The following CNTN6 variants were observed in gnomAD, a reference collection of about 807,000 sequenced individuals.
CNTN6 encodes contactin-6.
CNTN6 carries 137 observed loss-of-function variants against 122.8 expected under a neutral mutation model. That is an observed-to-expected ratio of 1.12 (90% CI 0.97 to 1.29). The LOEUF (loss-of-function observed/expected upper bound fraction) is 1.29. CNTN6 is among the 50% of genes most tolerant of loss of function. The pLI is 0.00. For synonymous variants in CNTN6, 570 were observed against 426.0 expected, an observed-to-expected ratio of 1.34 and a Z score of -4.16; for missense variants, 1,634 against 1,223.4, an observed-to-expected ratio of 1.34 and a Z score of -5.01.
intron 1 of CNTN6, among the ~76,000 whole-genome samples, chr3:1,142,966 G>GTATATA (rs1408347529): frequency 1.5e-3 from 149 of 96,544 alleles, no homozygotes; most frequent in African/African-American, 4.7e-3. Flanking sequence ...GTGTGTGTGT[G>GTATATA]TGTATATATA....
intron 5 of CNTN6, among the ~76,000 whole-genome samples, chr3:1,285,038 T>C (rs577268009): frequency 2.0e-4 from 31 of 152,300 alleles, no homozygotes; most frequent in African/African-American, 6.7e-4. Flanking sequence ...TTCTCTGACT[T>C]TCATTTGTAA....
chr3:1,096,236 C>T (rs2124919253), intron 1 of CNTN6, among the ~76,000 whole-genome samples: 1 of 151,840 alleles, frequency 6.6e-6, no homozygotes, highest in Admixed American at 6.6e-5. Flanking sequence ...CTGATAAATG[C>T]CTACATGATT....
intron 11 of CNTN6, among the ~76,000 whole-genome samples, chr3:1,339,933 G>C (rs564499891): frequency 2.6e-5 from 4 of 152,028 alleles, no homozygotes; most frequent in Admixed American, 2.0e-4. Context: ...TTAACCATGA[G>C]TTTCATTATA....
rs367736804 is a variant in CNTN6, at chr3:1,309,659, A to G, written c.761+11668A>G. Among the ~76,000 whole-genome samples the G allele has an allele frequency of 8.5e-5, 13 of 152,282 alleles. No individual in the cohort carries two copies. In the East Asian group the frequency reaches 2.1e-3, roughly 25 times the overall value. On this transcript the variant is annotated intron_variant, in intron 7 of 22. Coordinates refer to ENST00000446702, the MANE Select transcript of CNTN6 (RefSeq NM_001289080.2). The stretch of plus-strand genomic sequence containing the variant: ...ACAAACTTAGAATCATTTTGTCTAT[A>G]TCCATGAAATAGCAATTGGGGTTTT...
intron 1 of CNTN6, among the ~76,000 whole-genome samples, chr3:1,129,043 G>C (rs780070986): frequency 6.6e-6 from 1 of 151,920 alleles, no homozygotes; most frequent in African/African-American, 2.4e-5. Context: ...AAAAATTAGT[G>C]AACTATATTC....
chr3:1,282,742 G>T (rs899499661), intron 5 of CNTN6, among the ~76,000 whole-genome samples: 2 of 152,096 alleles, frequency 1.3e-5, no homozygotes, highest in Non-Finnish European at 2.9e-5. Context: ...TCACTGGTAG[G>T]CTGTGACTTC....
chr3:1,201,194 A>C (rs1489385240), intron 2 of CNTN6, among the ~76,000 whole-genome samples: 2 of 149,530 alleles, frequency 1.3e-5, no homozygotes, highest in Non-Finnish European at 3.0e-5. Flanking sequence ...GCTGGTCTCA[A>C]ACTCCTGAGT....
intron 4 of CNTN6, among the ~76,000 whole-genome samples, chr3:1,234,300 A>C (rs1281448046): frequency 6.6e-6 from 1 of 152,198 alleles, no homozygotes; most frequent in Non-Finnish European, 1.5e-5. Context: ...GTCGTAACAT[A>C]AAGGTCTTTG....
At chr3:1,328,574 C>G (rs1260318612) in intron 10 of CNTN6, among the ~76,000 whole-genome samples, 1 of 151,734 alleles carries the variant, frequency 6.6e-6, no homozygotes, top group African/African-American at 2.4e-5. Flanking sequence ...AAAAAAGTGT[C>G]AGATTTAAAA....
intron 4 of CNTN6, among the ~76,000 whole-genome samples, chr3:1,271,984 G>A (rs1418577268): frequency 2.0e-5 from 3 of 152,154 alleles, no homozygotes; most frequent in Non-Finnish European, 4.4e-5. Context: ...CCCAGTGGGA[G>A]GTAATTGAAT....
At chr3:1,284,741 AAG>A (rs1694054018) in intron 5 of CNTN6, among the ~76,000 whole-genome samples, 1 of 152,212 alleles carries the variant, frequency 6.6e-6, no homozygotes, top group Non-Finnish European at 1.5e-5. Context: ...TCTAAGGTAA[AAG>A]AAGGTTTCAC....
chr3:1,385,130 T>C (rs192782039), intron 19 of CNTN6, among the ~76,000 whole-genome samples: 5 of 152,198 alleles, frequency 3.3e-5, no homozygotes, highest in Admixed American at 2.6e-4. Context: ...GTACTTAATT[T>C]ATTCTCTTTT....
At position 1,187,114 on chromosome 3, in the gene CNTN6, T is replaced by A. The variant is rs184969032; in HGVS notation, c.56-33573T>A. 5.2e-3 allele frequency among the ~76,000 whole-genome samples: 795 copies of A among 152,262 alleles called. 7 individuals are homozygous for A. Among genetic ancestry groups the A allele is most frequent in the African/African-American group, 0.018 (763 of 41,562 alleles). ...ATGGCTTGCGAAAAGCCTTTGTTGT[T>A]GTTGTTTTTACAATTCATAGACTTC... On this transcript the variant is annotated intron_variant, in intron 2 of 22. Transcript: ENST00000446702.
chr3:1,243,935 A>G (rs1055483613), intron 4 of CNTN6, among the ~76,000 whole-genome samples: 2 of 152,192 alleles, frequency 1.3e-5, no homozygotes, highest in Middle Eastern at 3.4e-3. Flanking sequence ...GGAGGGAAAG[A>G]AGGAGGATCT....
chr3:1,145,365 T>A lies in CNTN6; in HGVS notation c.-82-2562T>A, dbSNP rs181054921. Among the ~76,000 whole-genome samples, 10 of 152,308 alleles carry A rather than the reference T, an allele frequency of 6.6e-5. No homozygotes were observed. The East Asian group carries it at 1.9e-3, about 29-fold the overall frequency. On this transcript the variant is annotated intron_variant, in intron 1 of 22. Coordinates refer to ENST00000446702, the MANE Select transcript of CNTN6 (RefSeq NM_001289080.2). ...ACTGATTGATAATGACCTGGTCATA[T>A]GCTTGTCCCTGGAGCAAGAAGGTGG...
intron 8 of CNTN6, among the ~76,000 whole-genome samples, chr3:1,325,036 C>A (rs1435698752): frequency 6.6e-6 from 1 of 151,810 alleles, no homozygotes; most frequent in Non-Finnish European, 1.5e-5. Context: ...CACCTCCAGG[C>A]AGTTTCCAGT....
chr3:1,268,673 T>A (rs903949762), intron 4 of CNTN6, among the ~76,000 whole-genome samples: 9 of 152,052 alleles, frequency 5.9e-5, no homozygotes, highest in African/African-American at 2.2e-4. Flanking sequence ...TATTTTTGAC[T>A]TTAGGTCTCC....
intron 2 of CNTN6, among the ~76,000 whole-genome samples, chr3:1,179,822 G>T (rs1269717842): frequency 2.6e-5 from 4 of 152,066 alleles, no homozygotes; most frequent in Non-Finnish European, 5.9e-5. Context: ...AAATTTCCCT[G>T]TTATCTTGCC....
intron 7 of CNTN6, among the ~76,000 whole-genome samples, chr3:1,315,076 G>A (rs560080007): frequency 6.6e-6 from 1 of 152,122 alleles, no homozygotes; most frequent in African/African-American, 2.4e-5. Flanking sequence ...ACTGATATCT[G>A]TAGTTAAAAT....
Sources: allele counts gnomAD v4.1 joint callset (sites outside exome capture counted in the v4.1 genomes callset), GRCh38; gene constraint gnomAD v4.1.1; transcripts MANE v1.5; gene names NCBI Gene and HGNC (gene_info 2026-07-23, HGNC 2026-07-21).